Variants in CADPS2 observed in about 807,000 individuals in gnomAD.
CADPS2 encodes the protein calcium-dependent secretion activator 2.
Under a neutral mutation model 172.5 loss-of-function variants are expected in CADPS2, and 93 were observed. That is an observed-to-expected ratio of 0.54 (90% CI 0.46 to 0.64). The LOEUF (loss-of-function observed/expected upper bound fraction) is 0.64. Ranked by LOEUF, CADPS2 falls within the 30% of genes least tolerant of loss-of-function variation. CADPS2 has a pLI of 0.00. For missense variants in CADPS2, 1,420 were observed against 1,565.9 expected (o/e 0.91, Z 1.57); for synonymous variants, 546 against 555.2 (o/e 0.98, Z 0.23).
chr7:122,626,439 A>G (rs2076097790), intron 4 of CADPS2, among the ~76,000 whole-genome samples: 1 of 152,194 alleles, frequency 6.6e-6, no homozygotes, highest in African/African-American at 2.4e-5. Flanking sequence ...AAGGAGTCAA[A>G]GATGATTCCA....
intron 27 of CADPS2, among the ~76,000 whole-genome samples, chr7:122,357,162 C>T (rs570971266): frequency 6.6e-6 from 1 of 152,030 alleles, no homozygotes; most frequent in Non-Finnish European, 1.5e-5. Flanking sequence ...CATTCTAGTC[C>T]CCTTCCTTTG....
At chr7:122,387,666 T>C (rs186145958) in intron 23 of CADPS2, among the ~76,000 whole-genome samples, 1 of 152,256 alleles carries the variant, frequency 6.6e-6, no homozygotes, top group Non-Finnish European at 1.5e-5. Context: ...TTATGTCACT[T>C]ACATTCTCTT....
intron 7 of CADPS2, among the ~76,000 whole-genome samples, chr7:122,568,808 G>T (rs558963336): frequency 6.6e-6 from 1 of 152,178 alleles, no homozygotes; most frequent in African/African-American, 2.4e-5. Flanking sequence ...CCAAGAACCT[G>T]AGCCAAAAAG....
rs753926880 is a variant in CADPS2, at chr7:122,451,407, G to A, written c.2255C>T (p.Ser752Phe). 1.3e-6 allele frequency: 2 copies of A among 1,568,030 alleles called. No individual in the cohort carries two copies. Among genetic ancestry groups the A allele is most frequent in the Admixed American group, 1.7e-5 (1 of 57,336 alleles). ...ERFEEIKERL[S>F]SLLENQISHF... Reference sequence around the variant, plus strand: ...GCTTATCTGATTTTCTAAAAGGGAAGAGAGTCTCTCTTTTATCTCCTCAAA... The same window carrying A: ...GCTTATCTGATTTTCTAAAAGGGAAAAGAGTCTCTCTTTTATCTCCTCAAA... The change falls in exon 15 of 30, where the codon TCT becomes TTT. Residue 752 changes from serine to phenylalanine, a missense_variant. Coordinates refer to ENST00000449022, the MANE Select transcript of CADPS2 (RefSeq NM_017954.11).
At chr7:122,495,008 C>T (rs2058624348) in intron 9 of CADPS2, among the ~76,000 whole-genome samples, 1 of 151,712 alleles carries the variant, frequency 6.6e-6, no homozygotes, top group African/African-American at 2.4e-5. Flanking sequence ...GAGAGGTAAA[C>T]AATAACGGTC....
chr7:122,597,058 T>G (rs540925308), intron 6 of CADPS2, among the ~76,000 whole-genome samples: 14 of 152,010 alleles, frequency 9.2e-5, no homozygotes, highest in African/African-American at 3.4e-4. Context: ...CAACCAGCTC[T>G]TGCAGCAAAT....
chr7:122,501,042 G>A (rs933596844), intron 9 of CADPS2, among the ~76,000 whole-genome samples: 2 of 151,820 alleles, frequency 1.3e-5, no homozygotes, highest in Admixed American at 6.6e-5. Context: ...ATCACTTGAG[G>A]CTAGGAGTTC....
intron 6 of CADPS2, among the ~76,000 whole-genome samples, chr7:122,612,134 C>A (rs1362241820): frequency 6.6e-6 from 1 of 151,954 alleles, no homozygotes; most frequent in Non-Finnish European, 1.5e-5. Context: ...ATGCTTCCCC[C>A]CTGTGATCAG....
intron 2 of CADPS2, chr7:122,701,880 C>A: frequency 6.2e-7 from 1 of 1,613,204 alleles, no homozygotes; most frequent in Non-Finnish European, 8.5e-7. Context: ...GTCCTATGGG[C>A]TAAAAGCCAG....
At chr7:122,702,110 G>C (rs761565876) in intron 2 of CADPS2, 4 of 1,613,634 alleles carry the variant, frequency 2.5e-6, no homozygotes, top group Non-Finnish European at 3.4e-6. Flanking sequence ...CACTCTAGGT[G>C]TAAGTCTCCA....
At chr7:122,421,816 T>G (rs531837536) in intron 17 of CADPS2, among the ~76,000 whole-genome samples, 8 of 152,286 alleles carry the variant, frequency 5.3e-5, no homozygotes, top group Non-Finnish European at 1.2e-4. Context: ...GGATCAAAGA[T>G]GCATCAATAA....
intron 11 of CADPS2, among the ~76,000 whole-genome samples, chr7:122,486,876 A>G (rs2057866410): frequency 6.6e-6 from 1 of 152,178 alleles, no homozygotes; most frequent in Admixed American, 6.5e-5. Context: ...TGTTGAGGCA[A>G]GACCCTCTAC....
rs548178543 is a variant in CADPS2, at chr7:122,368,678, A to G, written c.3388-7665T>C. On this transcript the variant is annotated intron_variant, in intron 25 of 29. Coordinates refer to ENST00000449022, the MANE Select transcript of CADPS2 (RefSeq NM_017954.11). The stretch of plus-strand genomic sequence containing the variant: ...TATATTTTATAAACATTTTTAAAGC[A>G]TATAAAAATGTATCTTAAAACTATA... 2.0e-4 allele frequency among the ~76,000 whole-genome samples: 31 copies of G among 152,322 alleles called. No homozygotes were observed. The Middle Eastern group carries it at 0.01, about 50-fold the overall frequency.
intron 9 of CADPS2, among the ~76,000 whole-genome samples, chr7:122,495,782 G>T (rs1231033216): frequency 6.6e-6 from 1 of 152,078 alleles, no homozygotes; most frequent in Non-Finnish European, 1.5e-5. Context: ...GAGCACTCCA[G>T]ATATAATATT....
chr7:122,322,737 G>C (rs1043083235), intron 29 of CADPS2, among the ~76,000 whole-genome samples: 18 of 152,058 alleles, frequency 1.2e-4, no homozygotes, highest in Non-Finnish European at 2.9e-5. Context: ...ACCCTTTCTG[G>C]GATTTGTTTT....
At chr7:122,640,470 T>TAC (rs10544198) in intron 3 of CADPS2, among the ~76,000 whole-genome samples, 1,822 of 137,572 alleles carry the variant, frequency 0.013, 19 homozygotes, top group African/African-American at 0.037. Context: ...CACACACATA[T>TAC]ACACACACAC....
At chr7:122,451,563 GA>G in intron 14 of CADPS2, 88 bp from the exon 15 acceptor site, 1 of 720,424 alleles carries the variant, frequency 1.4e-6, no homozygotes, top group Non-Finnish European at 2.2e-6. Flanking sequence ...AAAATCCAAG[GA>G]AAAGTTCACT....
intron 1 of CADPS2, among the ~76,000 whole-genome samples, chr7:122,762,961 A>C (rs906936523): frequency 6.6e-6 from 1 of 152,126 alleles, no homozygotes; most frequent in African/African-American, 2.4e-5. Context: ...AAAAAGCAAA[A>C]GGAAATTTCA....
rs915514067 is a variant in CADPS2 at position 122,702,623 on chromosome 7, T to G, written c.453+34332A>C. The G allele has an allele frequency of 5.6e-6, 9 of 1,613,546 alleles. No individual in the cohort carries two copies. The Admixed American group carries it at 6.7e-5, about 12-fold the overall frequency. On this transcript the variant is annotated intron_variant, in intron 2 of 29. Coordinates refer to ENST00000449022, the MANE Select transcript of CADPS2 (RefSeq NM_017954.11). ...CTCATTTCCAACCTGAAATGTTATA[T>G]TCAGGTGAGCTGTCCAAATGGCTTT...
Sources: gnomAD v4.1 joint callset for allele counts (sites outside exome capture counted in the v4.1 genomes callset) on GRCh38, gnomAD v4.1.1 for gene constraint, MANE v1.5 for transcripts, NCBI Gene and HGNC (gene_info 2026-07-23, HGNC 2026-07-21) for gene names.